RCBTB1: variants seen among roughly 807,000 people sequenced by gnomAD.
RCBTB1 encodes RCC1 and BTB domain containing protein 1, also known as RCC1 and BTB domain-containing protein 1.
In RCBTB1, 46 loss-of-function variants were observed where a neutral mutation model predicts 62.4. The ratio of observed to expected loss-of-function variants is 0.74; its 90% CI spans 0.58 to 0.94. RCBTB1 has a LOEUF of 0.94. Among genes scored for constraint, RCBTB1 ranks in the 40% least tolerant of loss-of-function variants. RCBTB1 has a pLI of 0.00. For synonymous variants in RCBTB1, 222 were observed against 245.8 expected, an observed-to-expected ratio of 0.90 and a Z score of 0.91; for missense variants, 565 against 654.9, an observed-to-expected ratio of 0.86 and a Z score of 1.50.
At chr13:49,559,611 G>A (rs910719987) in intron 5 of RCBTB1, among the ~76,000 whole-genome samples, 5 of 141,942 alleles carry the variant, frequency 3.5e-5, no homozygotes, top group Non-Finnish European at 6.0e-5. Context: ...AGCAGAGATC[G>A]TGCCACTGTA....
At chr13:49,563,420 T>C (rs2137293713) in intron 4 of RCBTB1, among the ~76,000 whole-genome samples, 1 of 149,558 alleles carries the variant, frequency 6.7e-6, no homozygotes, top group East Asian at 2.0e-4. Context: ...CCCAGCACTT[T>C]GGGAGGCTGA....
At chr13:49,573,815 G>A (rs1187765246) in intron 2 of RCBTB1, among the ~76,000 whole-genome samples, 7 of 126,778 alleles carry the variant, frequency 5.5e-5, no homozygotes, top group East Asian at 2.3e-4. Context: ...ACAGAGCCTC[G>A]CTCTGTTGTC....
chr13:49,542,046 C>A (rs1370995826), intron 10 of RCBTB1, among the ~76,000 whole-genome samples: 1 of 152,018 alleles, frequency 6.6e-6, no homozygotes, highest in Non-Finnish European at 1.5e-5. Flanking sequence ...TAAACCCCGT[C>A]TCTACTAAAA....
intron 1 of RCBTB1, among the ~76,000 whole-genome samples, chr13:49,583,685 TACAGGCGCACACC>T (rs1964232571): frequency 6.6e-6 from 1 of 152,080 alleles, no homozygotes; most frequent in Admixed American, 6.6e-5. Context: ...TAGCTGGGAC[TACAGGCGCACACC>T]ACCACGCCCA....
Position 49,539,111 on chromosome 13 carries a change from C to T in RCBTB1, c.1455+1765G>A, listed in dbSNP as rs144274579. On this transcript the variant is annotated intron_variant, in intron 12 of 12. Coordinates refer to ENST00000378302, the MANE Select transcript of RCBTB1 (RefSeq NM_018191.4). Reference sequence around the variant, plus strand: ...TCTCAAACTCCTGATCTCAAGTGGCCCACCTTGGCCTCCCAAAGTGCCGGG... The same window carrying T: ...TCTCAAACTCCTGATCTCAAGTGGCTCACCTTGGCCTCCCAAAGTGCCGGG... Among the ~76,000 whole-genome samples, 987 of 152,118 alleles carry T rather than the reference C, an allele frequency of 6.5e-3. 11 individuals are homozygous for T. Among genetic ancestry groups the T allele is most frequent in the African/African-American group, 0.02 (838 of 41,496 alleles).
intron 2 of RCBTB1, among the ~76,000 whole-genome samples, chr13:49,569,499 G>A (rs1963253056): frequency 6.6e-6 from 1 of 151,996 alleles, no homozygotes. Flanking sequence ...ATCACTTGAG[G>A]TCAAGAGTTC....
At position 49,567,184 on chromosome 13, in the gene RCBTB1, A is replaced by G. The variant is rs373326767; in HGVS notation, c.96T>C (p.Ser32=). 2.4e-5 allele frequency: 39 copies of G among 1,614,006 alleles called. No homozygotes were observed. The Admixed American group carries it at 5.8e-4, about 24-fold the overall frequency. The change falls in exon 3 of 13, where the codon AGT becomes AGC. Residue 32 remains serine, a synonymous_variant. Transcript: ENST00000378302. ...CATTGTCAGTAACGTACAGTGCTTC[A>G]CTGGCTGAGGTGCCGAAGACACACG... is the stretch of plus-strand genomic sequence containing the variant. ...RKACVFGTSA[S]EALYVTDNDE... is the part of the protein sequence containing the mutation.
chr13:49,546,848 C>T, intron 9 of RCBTB1: 2 of 595,458 alleles, frequency 3.4e-6, no homozygotes, highest in African/African-American at 2.0e-5. Flanking sequence ...TCCTGCCGTG[C>T]AACCCAGTTA....
chr13:49,541,728 A>G lies in RCBTB1; in HGVS notation c.1272T>C (p.Phe424=). Residue 424 remains phenylalanine (F), a synonymous_variant, in exon 11 of 13, where the codon TTT becomes TTC. Transcript: ENST00000378302. ...DQFSYPVYRA[F]LQYLYTDTVD... ...CTGTGTCTGTGTAGAGGTACTGGAG[A>G]AAGGCACGATACACTGGGTAAGAAA... 1 of 1,614,090 alleles carries G rather than the reference A, an allele frequency of 6.2e-7. No homozygotes were observed. The highest frequency in any genetic ancestry group is 1.3e-5 in the African/African-American group (1 of 75,024).
intron 6 of RCBTB1, 69 bp downstream of exon 6, chr13:49,555,446 C>T: frequency 7.7e-7 from 1 of 1,290,898 alleles, no homozygotes; most frequent in Non-Finnish European, 1.1e-6. Context: ...GATACATTCA[C>T]CTTGTGAAGA....
At chr13:49,545,540 TTA>T (rs1960720741) in intron 9 of RCBTB1, among the ~76,000 whole-genome samples, 1 of 152,146 alleles carries the variant, frequency 6.6e-6, no homozygotes, top group Non-Finnish European at 1.5e-5. Context: ...GCTGTTGTGG[TTA>T]TATGTTAAGT....
chr13:49,543,277 A>G (rs1960530902), intron 10 of RCBTB1, among the ~76,000 whole-genome samples: 1 of 152,200 alleles, frequency 6.6e-6, no homozygotes, highest in Non-Finnish European at 1.5e-5. Context: ...AAAAAAAGAA[A>G]AAGAATCCAT....
At chr13:49,543,093 T>C (rs1025282251) in intron 10 of RCBTB1, among the ~76,000 whole-genome samples, 5 of 152,154 alleles carry the variant, frequency 3.3e-5, no homozygotes, top group Admixed American at 1.3e-4. Context: ...CGAAACTTTG[T>C]CTCTACTTAA....
chr13:49,542,579 G>A (rs1960470778), intron 10 of RCBTB1, among the ~76,000 whole-genome samples: 1 of 151,848 alleles, frequency 6.6e-6, no homozygotes, highest in Non-Finnish European at 1.5e-5. Flanking sequence ...TTTGTTTTTT[G>A]TTTTACATAA....
At chr13:49,584,649 C>T (rs1964289846) in intron 1 of RCBTB1, among the ~76,000 whole-genome samples, 3 of 152,160 alleles carry the variant, frequency 2.0e-5, no homozygotes, top group Admixed American at 2.0e-4. Flanking sequence ...CCTCTAAGGG[C>T]TTTTAGTCCT....
chr13:49,546,094 A>T (rs969213527), intron 9 of RCBTB1: 1 of 985,170 alleles, frequency 1.0e-6, no homozygotes, highest in Non-Finnish European at 1.2e-6. Context: ...AATACAAATG[A>T]CTAAGATGGG....
At chr13:49,569,299 C>T (rs1408508053) in intron 2 of RCBTB1, among the ~76,000 whole-genome samples, 1 of 152,126 alleles carries the variant, frequency 6.6e-6, no homozygotes, top group Non-Finnish European at 1.5e-5. Flanking sequence ...AAAGGCTGGG[C>T]GCAGTAGCTC....
At chr13:49,569,704 G>A (rs1354919474) in intron 2 of RCBTB1, among the ~76,000 whole-genome samples, 1 of 147,346 alleles carries the variant, frequency 6.8e-6, no homozygotes, top group Admixed American at 6.8e-5. Flanking sequence ...GTGGCAGAGT[G>A]AGAGACCCTG....
chr13:49,534,267 A>G lies in RCBTB1; in HGVS notation c.1456-5T>C, dbSNP rs762764337. On this transcript the variant is annotated splice_polypyrimidine_tract_variant and splice_region_variant and intron_variant, in intron 12 of 12. Coordinates refer to ENST00000378302, the MANE Select transcript of RCBTB1 (RefSeq NM_018191.4). The stretch of plus-strand genomic sequence containing the variant: ...AAAGCAGAATTCTTCTAAATCCTGG[A>G]CACACAACAAAAATAAAAACAAAAA... 3.1e-6 allele frequency: 5 copies of G among 1,606,162 alleles called. No homozygotes were observed. The African/African-American group carries it at 6.7e-5, about 22-fold the overall frequency.
Sources: allele counts gnomAD v4.1 joint callset (sites outside exome capture counted in the v4.1 genomes callset), GRCh38; gene constraint gnomAD v4.1.1; transcripts MANE v1.5; gene names NCBI Gene and HGNC (gene_info 2026-07-23, HGNC 2026-07-21).